DRC8: variants seen among roughly 807,000 people sequenced by gnomAD.
DRC8 encodes the protein dynein regulatory complex protein 8.
the DRC8 span, among the ~76,000 whole-genome samples, chr1:245,065,200 A>T: frequency 6.8e-6 from 1 of 147,754 alleles, no homozygotes. Context: ...TTACAGGCGC[A>T]TGCCATCACG....
the DRC8 span, chr1:245,044,089 A>C: frequency 3.3e-5 from 5 of 152,270 alleles, no homozygotes; most frequent in Non-Finnish European, 7.3e-5. Flanking sequence ...TGACAAAAAG[A>C]AAGGTAATTG....
At chr1:245,070,865 G>T in the DRC8 span, among the ~76,000 whole-genome samples, 1 of 152,182 alleles carries the variant, frequency 6.6e-6, no homozygotes, top group Non-Finnish European at 1.5e-5. Flanking sequence ...GATCCCTCAC[G>T]AACGGGATTA....
At chr1:245,048,986 CTTT>C in the DRC8 span, among the ~76,000 whole-genome samples, 4 of 137,864 alleles carry the variant, frequency 2.9e-5, no homozygotes, top group Non-Finnish European at 4.7e-5. Flanking sequence ...TTTTTCTTTT[CTTT>C]TTTTTTTTTT....
chr1:245,002,965 T>G, the DRC8 span, among the ~76,000 whole-genome samples: 1 of 152,120 alleles, frequency 6.6e-6, no homozygotes, highest in East Asian at 1.9e-4. Flanking sequence ...CATCTCCCCC[T>G]CCTGGAAACT....
chr1:245,072,792 A>G, the DRC8 span, among the ~76,000 whole-genome samples: 1 of 152,170 alleles, frequency 6.6e-6, no homozygotes, highest in Non-Finnish European at 1.5e-5. Flanking sequence ...ATGACTTCAC[A>G]CAAGCTCTGA....
chr1:245,026,154 CTT>C, the DRC8 span, among the ~76,000 whole-genome samples: 3 of 152,166 alleles, frequency 2.0e-5, no homozygotes, highest in East Asian at 5.8e-4. Flanking sequence ...CAGTGAGTCT[CTT>C]TTTTCATTGC....
At chr1:245,056,335 G>A in the DRC8 span, among the ~76,000 whole-genome samples, 5 of 151,930 alleles carry the variant, frequency 3.3e-5, no homozygotes, top group African/African-American at 1.2e-4. Flanking sequence ...TCACTCTGTT[G>A]CCCAGGCTGG....
chr1:245,032,743 G>T, the DRC8 span, among the ~76,000 whole-genome samples: 1 of 152,170 alleles, frequency 6.6e-6, no homozygotes, highest in African/African-American at 2.4e-5. Context: ...ATCTGTAAAG[G>T]TGGGCTGGGG....
the DRC8 span, among the ~76,000 whole-genome samples, chr1:245,029,581 G>A: frequency 2.0e-5 from 3 of 151,050 alleles, no homozygotes; most frequent in African/African-American, 7.3e-5. Context: ...TTACAGGTGT[G>A]AGCCACTGTG....
chr1:245,092,802 T>A, the DRC8 span, among the ~76,000 whole-genome samples: 11 of 152,316 alleles, frequency 7.2e-5, no homozygotes, highest in East Asian at 1.9e-3. Context: ...CATTTAATAT[T>A]GCTGAGCTTC....
At chr1:245,073,019 T>G in the DRC8 span, among the ~76,000 whole-genome samples, 1 of 152,176 alleles carries the variant, frequency 6.6e-6, no homozygotes, top group East Asian at 1.9e-4. Flanking sequence ...TCTTTATAAA[T>G]TACCCAGTCT....
chr1:245,070,982 G>A, the DRC8 span, among the ~76,000 whole-genome samples: 1 of 152,176 alleles, frequency 6.6e-6, no homozygotes, highest in African/African-American at 2.4e-5. Flanking sequence ...AGCATTCAAG[G>A]CCCCATCTTG....
At chr1:245,022,652 G>GA in the DRC8 span, among the ~76,000 whole-genome samples, 2 of 152,170 alleles carry the variant, frequency 1.3e-5, no homozygotes, top group East Asian at 3.9e-4. Context: ...GTTTGTTACA[G>GA]TTTTCTCTAA....
chr1:245,004,141 C>G, the DRC8 span, among the ~76,000 whole-genome samples: 1 of 152,078 alleles, frequency 6.6e-6, no homozygotes, highest in African/African-American at 2.4e-5. Flanking sequence ...TCTCAAACTC[C>G]TGGGCTTAAG....
At chr1:244,975,091 C>T in the DRC8 span, among the ~76,000 whole-genome samples, 11 of 152,076 alleles carry the variant, frequency 7.2e-5, no homozygotes, top group African/African-American at 1.7e-4. Flanking sequence ...CCACCACGCC[C>T]GGCTAATTTT....
the DRC8 span, among the ~76,000 whole-genome samples, chr1:245,112,588 T>C: frequency 6.6e-6 from 1 of 152,186 alleles, no homozygotes; most frequent in African/African-American, 2.4e-5. Flanking sequence ...GGAATATACA[T>C]AACATCAAGT....
chr1:245,000,819 A>C, the DRC8 span, among the ~76,000 whole-genome samples: 1 of 151,750 alleles, frequency 6.6e-6, no homozygotes, highest in South Asian at 2.1e-4. Flanking sequence ...TCTAATACCT[A>C]AGAGGTGCTC....
chr1:245,065,026 A>G, the DRC8 span, among the ~76,000 whole-genome samples: 21 of 111,178 alleles, frequency 1.9e-4, no homozygotes, highest in Admixed American at 1.6e-3. Context: ...TGGAACTCCT[A>G]TTATTCATTT....
the DRC8 span, among the ~76,000 whole-genome samples, chr1:245,071,507 C>G: frequency 6.6e-6 from 1 of 152,294 alleles, no homozygotes; most frequent in East Asian, 1.9e-4. Context: ...CGTGTCCATG[C>G]TTTATGGAAG....
Sources: gnomAD v4.1 joint callset for allele counts (sites outside exome capture counted in the v4.1 genomes callset) on GRCh38, gnomAD v4.1.1 for gene constraint, MANE v1.5 for transcripts, NCBI Gene and HGNC (gene_info 2026-07-23, HGNC 2026-07-21) for gene names.